Variants in EXOC6B observed in about 807,000 individuals in gnomAD.
EXOC6B encodes exocyst complex component 6B, also known as SEC15 homolog B.
In EXOC6B, 54 loss-of-function variants were observed where a neutral mutation model predicts 113.5. The observed-to-expected ratio is 0.48, with a 90% CI of 0.38 to 0.60. The LOEUF is 0.60. Among genes scored for constraint, EXOC6B ranks in the 20% least tolerant of loss-of-function variants. The probability of loss-of-function intolerance (pLI) is 0.00; values close to 1 mark genes in which losing one functional copy is unlikely to be tolerated. For synonymous variants in EXOC6B, 357 were observed against 339.0 expected (o/e 1.05, Z -0.58); for missense variants, 797 against 977.5 (o/e 0.82, Z 2.46).
intron 3 of EXOC6B, among the ~76,000 whole-genome samples, chr2:72,731,511 C>A (rs540403610): frequency 3.3e-5 from 5 of 152,302 alleles, no homozygotes; most frequent in African/African-American, 9.6e-5. Context: ...GAGAAAAAAA[C>A]TATCTTCAAC....
At chr2:72,246,726 C>T (rs1434184436) in intron 20 of EXOC6B, among the ~76,000 whole-genome samples, 3 of 152,058 alleles carry the variant, frequency 2.0e-5, no homozygotes, top group Non-Finnish European at 2.9e-5. Flanking sequence ...AATCCTCCTG[C>T]CTCAGCCTCC....
At chr2:72,400,588 C>T (rs888781103) in intron 18 of EXOC6B, among the ~76,000 whole-genome samples, 1 of 144,404 alleles carries the variant, frequency 6.9e-6, no homozygotes, top group African/African-American at 2.6e-5. Context: ...TCAAACAAAT[C>T]AACAAGAAAA....
At chr2:72,405,320 G>A (rs1172699240) in intron 18 of EXOC6B, among the ~76,000 whole-genome samples, 2 of 152,160 alleles carry the variant, frequency 1.3e-5, no homozygotes, top group Non-Finnish European at 2.9e-5. Context: ...TAGCAAGGCA[G>A]GCCAGCATTC....
In EXOC6B at chr2:72,379,768, C is replaced by T; in HGVS notation, c.2083G>A (p.Ala695Thr). ...ACGTCCAAGTTGAACTGCTGTAATGCTCCCAAGGTGAGCTGCCGCACTTCA... is the reference window on the plus strand; with the variant it reads ...ACGTCCAAGTTGAACTGCTGTAATGTTCCCAAGGTGAGCTGCCGCACTTCA... Reference protein sequence around the residue: ...EAEVRQLTLGALQQFNLDVRE... With the variant: ...EAEVRQLTLGTLQQFNLDVRE... Residue 695 changes from alanine to threonine, a missense_variant, in exon 19 of 22, where the codon GCA (alanine) becomes ACA (threonine). Coordinates refer to ENST00000272427, the MANE Select transcript of EXOC6B (RefSeq NM_015189.3). 8 of 1,613,508 alleles carry T rather than the reference C, an allele frequency of 5.0e-6. No individual in the cohort carries two copies. The East Asian group carries it at 6.7e-5, about 13-fold the overall frequency.
At chr2:72,249,749 G>A (rs1682889646) in intron 20 of EXOC6B, among the ~76,000 whole-genome samples, 1 of 152,034 alleles carries the variant, frequency 6.6e-6, no homozygotes, top group African/African-American at 2.4e-5. Flanking sequence ...CCTGTTTTAT[G>A]ACAAGAAAGC....
chr2:72,631,461 TAGAG>T (rs372313608), intron 6 of EXOC6B, among the ~76,000 whole-genome samples: 150 of 9,440 alleles, frequency 0.016, no homozygotes, highest in Non-Finnish European at 0.029. Context: ...TATATATATA[TAGAG>T]AGAGAGAGAG....
chr2:72,245,023 T>C (rs915777002), intron 20 of EXOC6B, among the ~76,000 whole-genome samples: 1 of 152,178 alleles, frequency 6.6e-6, no homozygotes, highest in Non-Finnish European at 1.5e-5. Flanking sequence ...TGTTCATGGA[T>C]AGGAAGACTC....
chr2:72,465,280 C>T lies in EXOC6B; in HGVS notation c.1860G>A (p.Gln620=). ...AGTCATAGTCTGCCAGCTGTAGGAA[C>T]TGGTCAATCTTCTGGTTTAAGTTGG... The part of the protein sequence containing the change: ...IYTNLNQKID[Q]FLQLADYDWM... The change falls in exon 18 of 22, where the codon CAG becomes CAA. Residue 620 remains glutamine (Q), a synonymous_variant. Transcript: ENST00000272427. 6.2e-7 allele frequency: 1 copy of T among 1,609,276 alleles called. No homozygotes were observed. The highest frequency in any genetic ancestry group is 8.5e-7 in the Non-Finnish European group (1 of 1,177,620).
intron 6 of EXOC6B, among the ~76,000 whole-genome samples, chr2:72,597,033 A>T (rs373071975): frequency 8.7e-5 from 13 of 150,080 alleles, no homozygotes; most frequent in African/African-American, 2.4e-4. Context: ...AAACATTTCC[A>T]TTATCCCAAA....
intron 20 of EXOC6B, among the ~76,000 whole-genome samples, chr2:72,258,982 G>A (rs1011317240): frequency 2.0e-5 from 3 of 152,098 alleles, no homozygotes; most frequent in African/African-American, 4.8e-5. Flanking sequence ...ACATTTTGAA[G>A]TAAGTTGTAC....
chr2:72,463,143 T>C (rs1697808832), intron 18 of EXOC6B: 1 of 152,272 alleles, frequency 6.6e-6, no homozygotes, highest in Non-Finnish European at 1.5e-5. Context: ...TCCTACACAC[T>C]AGTACAAAAT....
intron 18 of EXOC6B, among the ~76,000 whole-genome samples, chr2:72,387,913 T>G (rs147834203): frequency 1.2e-4 from 18 of 152,302 alleles, no homozygotes; most frequent in African/African-American, 4.3e-4. Context: ...AACTTGGACT[T>G]TGATTTTGGA....
intron 18 of EXOC6B, among the ~76,000 whole-genome samples, chr2:72,450,709 T>C (rs565696933): frequency 6.6e-6 from 1 of 152,314 alleles, no homozygotes; most frequent in South Asian, 2.1e-4. Context: ...GTAAAATAAT[T>C]GTGTTACATT....
chr2:72,217,492 T>C (rs72910341), intron 20 of EXOC6B, among the ~76,000 whole-genome samples: 5,583 of 152,262 alleles, frequency 0.037, 318 homozygotes, highest in African/African-American at 0.13. Flanking sequence ...GCACTCACTG[T>C]GTGCAAGACT....
intron 18 of EXOC6B, among the ~76,000 whole-genome samples, chr2:72,399,881 C>T (rs1012868708): frequency 6.6e-6 from 1 of 152,104 alleles, no homozygotes; most frequent in African/African-American, 2.4e-5. Context: ...AGATTCAATG[C>T]AATTTCTATC....
chr2:72,741,518 G>A (rs1387736615), intron 1 of EXOC6B, 49 bp from the exon 2 acceptor site: 31 of 1,501,998 alleles, frequency 2.1e-5, no homozygotes, highest in East Asian at 9.5e-5. Flanking sequence ...CTTCTAAGAA[G>A]GAAAAACAAA....
chr2:72,640,204 A>G (rs1673129443), intron 6 of EXOC6B, among the ~76,000 whole-genome samples: 1 of 152,210 alleles, frequency 6.6e-6, no homozygotes, highest in African/African-American at 2.4e-5. Flanking sequence ...AAAACACACT[A>G]TAAGAATTTC....
intron 17 of EXOC6B, among the ~76,000 whole-genome samples, chr2:72,471,633 A>G (rs1007521002): frequency 3.3e-5 from 5 of 152,130 alleles, no homozygotes; most frequent in African/African-American, 9.7e-5. Flanking sequence ...TAAATGAAAG[A>G]TCGTATCATC....
At chr2:72,564,423 C>A (rs142355374) in intron 7 of EXOC6B, among the ~76,000 whole-genome samples, 267 of 152,282 alleles carry the variant, frequency 1.8e-3, no homozygotes, top group African/African-American at 6.2e-3. Flanking sequence ...AATAGTTTCT[C>A]CGTATCGGTA....
Sources: allele counts gnomAD v4.1 joint callset (sites outside exome capture counted in the v4.1 genomes callset), GRCh38; gene constraint gnomAD v4.1.1; transcripts MANE v1.5; gene names NCBI Gene and HGNC (gene_info 2026-07-23, HGNC 2026-07-21).